PON3: variants seen among roughly 807,000 people sequenced by gnomAD.
PON3 encodes paraoxonase 3.
In PON3, 37 loss-of-function variants were observed where a neutral mutation model predicts 36.3. The ratio of observed to expected loss-of-function variants is 1.02; its 90% CI spans 0.78 to 1.34. PON3 has a LOEUF of 1.34. PON3 is among the 40% of genes most tolerant of loss of function. The pLI is 0.00. For synonymous variants in PON3, 155 were observed against 154.8 expected (o/e 1.00, Z -0.01); for missense variants, 415 against 426.5 (o/e 0.97, Z 0.24).
intron 6 of PON3, among the ~76,000 whole-genome samples, chr7:95,363,090 T>C (rs1808612947): frequency 6.6e-6 from 1 of 152,172 alleles, no homozygotes; most frequent in African/African-American, 2.4e-5. Flanking sequence ...GGCTCAATCT[T>C]ATTACTTCGA....
intron 3 of PON3, chr7:95,377,593 T>C (rs1037619835): frequency 2.3e-6 from 1 of 428,020 alleles, no homozygotes. Context: ...GGCAGCAATA[T>C]TTGCCGTTCT....
intron 3 of PON3, among the ~76,000 whole-genome samples, chr7:95,384,443 T>C (rs34323584): frequency 3.3e-5 from 5 of 152,084 alleles, no homozygotes; most frequent in South Asian, 4.1e-4. Flanking sequence ...GAAAATTTTT[T>C]CAGTCTACTC....
chr7:95,364,740 A>G (rs1435222536), intron 5 of PON3: 3 of 155,720 alleles, frequency 1.9e-5, no homozygotes, highest in Non-Finnish European at 4.3e-5. Context: ...CTGTCCTGTT[A>G]TCATAGCATA....
At chr7:95,378,806 ATTGTAAAG>A (rs1808978036) in intron 3 of PON3, among the ~76,000 whole-genome samples, 1 of 152,230 alleles carries the variant, frequency 6.6e-6, no homozygotes. Context: ...AACATGCCAA[ATTGTAAAG>A]ACCATTGATG....
At chr7:95,360,607 T>C (rs1808545670) in intron 8 of PON3, among the ~76,000 whole-genome samples, 1 of 152,210 alleles carries the variant, frequency 6.6e-6, no homozygotes, top group African/African-American at 2.4e-5. Flanking sequence ...AAAGCATAAA[T>C]AATGGATACT....
chr7:95,393,447 T>C (rs1809363210), intron 2 of PON3, among the ~76,000 whole-genome samples: 2 of 152,064 alleles, frequency 1.3e-5, no homozygotes, highest in South Asian at 4.2e-4. Flanking sequence ...TAAGCAAAGG[T>C]GAGAAGGTGA....
intron 3 of PON3, among the ~76,000 whole-genome samples, chr7:95,383,199 A>G (rs1014511963): frequency 1.3e-5 from 2 of 152,228 alleles, no homozygotes; most frequent in African/African-American, 4.8e-5. Context: ...GATGGGACAT[A>G]TCTCAAAATA....
intron 7 of PON3, 64 bp downstream of exon 7, chr7:95,362,696 C>A: frequency 6.9e-7 from 1 of 1,455,196 alleles, no homozygotes; most frequent in Non-Finnish European, 9.6e-7. Context: ...GGGGCACATT[C>A]CTGGGTCAAG....
chr7:95,381,264 A>C (rs1451568503), intron 3 of PON3, among the ~76,000 whole-genome samples: 1 of 152,218 alleles, frequency 6.6e-6, no homozygotes, highest in South Asian at 2.1e-4. Context: ...AATTGTAAAG[A>C]CCATCGAGGC....
At chr7:95,376,814 G>A (rs4729188) in intron 3 of PON3, among the ~76,000 whole-genome samples, 3 of 152,238 alleles carry the variant, frequency 2.0e-5, no homozygotes, top group East Asian at 3.9e-4. Flanking sequence ...TCCGGCCTGC[G>A]GCTCCCAGTG....
intron 2 of PON3, among the ~76,000 whole-genome samples, chr7:95,393,904 A>AT (rs1015294994): frequency 2.9e-4 from 44 of 151,812 alleles, no homozygotes; most frequent in African/African-American, 9.9e-4. Context: ...TTCGTTTATT[A>AT]TTTTTTTTAA....
intron 3 of PON3, among the ~76,000 whole-genome samples, chr7:95,381,596 C>T (rs1275084981): frequency 6.6e-6 from 1 of 152,000 alleles, no homozygotes; most frequent in Non-Finnish European, 1.5e-5. Flanking sequence ...AAGATCAAAA[C>T]AGACAAAGAA....
intron 5 of PON3, chr7:95,365,572 G>T (rs1024752568): frequency 6.6e-6 from 1 of 152,220 alleles, no homozygotes; most frequent in African/African-American, 2.4e-5. Flanking sequence ...AGTTAGCAGC[G>T]GTTGGCTTAA....
At chr7:95,383,327 T>A (rs1383895924) in intron 3 of PON3, among the ~76,000 whole-genome samples, 3 of 152,040 alleles carry the variant, frequency 2.0e-5, no homozygotes, top group African/African-American at 4.8e-5. Flanking sequence ...ACTCCTATTC[T>A]ACATAGTGTT....
chr7:95,390,132 G>A (rs1334430526), intron 3 of PON3, 22 bp downstream of exon 3: 4 of 1,584,270 alleles, frequency 2.5e-6, no homozygotes, highest in Admixed American at 1.7e-5. Context: ...GTGAGCATGA[G>A]AGCAGCATGG....
At chr7:95,390,855 A>G (rs1057095199) in intron 2 of PON3, among the ~76,000 whole-genome samples, 1 of 151,600 alleles carries the variant, frequency 6.6e-6, no homozygotes, top group African/African-American at 2.4e-5. Context: ...TTGAAAAAGG[A>G]GCTGTCACCT....
At chr7:95,362,692 C>A in intron 7 of PON3, 68 bp downstream of exon 7, 2 of 1,436,626 alleles carry the variant, frequency 1.4e-6, no homozygotes, top group Non-Finnish European at 2.0e-6. Context: ...TCAAGGGGCA[C>A]ATTCCTGGGT....
intron 2 of PON3, among the ~76,000 whole-genome samples, chr7:95,393,104 T>G (rs535136198): frequency 6.6e-6 from 1 of 152,322 alleles, no homozygotes; most frequent in Non-Finnish European, 1.5e-5. Flanking sequence ...TACTTTATTT[T>G]TTAGAAATTG....
At chr7:95,393,631 A>G (rs942950165) in intron 2 of PON3, among the ~76,000 whole-genome samples, 7 of 152,176 alleles carry the variant, frequency 4.6e-5, no homozygotes, top group Non-Finnish European at 1.0e-4. Flanking sequence ...AGCGGGGAAC[A>G]ATGGTTCCTG....
Sources: gnomAD v4.1 joint callset for allele counts (sites outside exome capture counted in the v4.1 genomes callset) on GRCh38, gnomAD v4.1.1 for gene constraint, MANE v1.5 for transcripts, NCBI Gene and HGNC (gene_info 2026-07-23, HGNC 2026-07-21) for gene names.